The following EVA1C variants were observed in gnomAD, a reference collection of about 807,000 sequenced individuals.
EVA1C encodes the protein eva-1 homolog C.
EVA1C carries 25 observed loss-of-function variants against 45.4 expected under a neutral mutation model. The observed-to-expected ratio is 0.55, with a 90% CI of 0.40 to 0.77. The LOEUF (loss-of-function observed/expected upper bound fraction) is 0.77, where lower values mean the gene tolerates loss of function less well. Ranked by LOEUF, EVA1C falls within the 30% of genes least tolerant of loss-of-function variation. EVA1C has a pLI of 0.00. For missense variants in EVA1C, 479 were observed against 554.8 expected, an observed-to-expected ratio of 0.86 and a Z score of 1.37; for synonymous variants, 190 against 221.2, an observed-to-expected ratio of 0.86 and a Z score of 1.25.
intron 1 of EVA1C, among the ~76,000 whole-genome samples, chr21:32,415,783 G>A (rs111694009): frequency 1.8e-4 from 28 of 152,278 alleles, no homozygotes; most frequent in African/African-American, 6.5e-4. Flanking sequence ...CCACTGGAAG[G>A]CTATCATCAC....
chr21:32,424,938 C>G (rs2034430640), intron 1 of EVA1C, among the ~76,000 whole-genome samples: 1 of 152,098 alleles, frequency 6.6e-6, no homozygotes, highest in Admixed American at 6.5e-5. Context: ...CTCACTGCAG[C>G]CTCAACCTCC....
chr21:32,503,879 A>T, intron 6 of EVA1C, 47 bp from the exon 7 acceptor site: 1 of 1,366,294 alleles, frequency 7.3e-7, no homozygotes, highest in Non-Finnish European at 1.0e-6. Context: ...GAATAGGCGT[A>T]CTATGAACAG....
intron 1 of EVA1C, among the ~76,000 whole-genome samples, chr21:32,420,518 T>G (rs555389831): frequency 6.6e-6 from 1 of 152,312 alleles, no homozygotes; most frequent in Admixed American, 6.5e-5. Flanking sequence ...CCCTAGTAGT[T>G]GGGACTATAG....
chr21:32,513,401 C>T (rs1272467156), intron 7 of EVA1C, among the ~76,000 whole-genome samples: 2 of 148,782 alleles, frequency 1.3e-5, no homozygotes, highest in South Asian at 2.1e-4. Context: ...AGGATGGTCT[C>T]GATCTCCTGA....
In EVA1C at chr21:32,462,927, G is replaced by A. The variant is rs117549873; in HGVS notation, c.482-4769G>A. Among the ~76,000 whole-genome samples the A allele has an allele frequency of 6.3e-3, 965 of 152,162 alleles. 18 individuals are homozygous for A. The highest frequency in any genetic ancestry group is 0.036 in the Admixed American group (544 of 15,288). On this transcript the variant is annotated intron_variant, in intron 3 of 7. Coordinates refer to ENST00000300255, the MANE Select transcript of EVA1C (RefSeq NM_058187.5). ...GATTTATGTGGGTAAATCTCTGTTC[G>A]AGGCTCTCAGCTCTGGAGGCTGTGA...
intron 7 of EVA1C, among the ~76,000 whole-genome samples, chr21:32,507,836 T>C (rs1280625410): frequency 1.3e-5 from 2 of 151,398 alleles, no homozygotes; most frequent in African/African-American, 4.9e-5. Context: ...TGCATGTGTG[T>C]GCATGTGTCT....
At position 32,412,805 on chromosome 21, in the gene EVA1C, C is replaced by G; in HGVS notation, c.-49C>G. On this transcript the variant is annotated 5_prime_UTR_variant, in exon 1 of 8. Coordinates refer to ENST00000300255, the MANE Select transcript of EVA1C (RefSeq NM_058187.5). Reference sequence around the variant, plus strand: ...TGTGACGCCGTCCTTAGCCCTGCGACCCCCAGCGCGTCCCGGGCCTGCGCC... The same window carrying G: ...TGTGACGCCGTCCTTAGCCCTGCGAGCCCCAGCGCGTCCCGGGCCTGCGCC... The G allele has an allele frequency of 1.5e-6, 2 of 1,339,464 alleles. No homozygotes were observed. The highest frequency in any genetic ancestry group is 3.1e-5 in the African/African-American group (2 of 64,830). The allele number at this position is 1,339,464 out of a possible 1,614,324, so 83.0% of individuals were successfully genotyped here.
chr21:32,500,132 T>G (rs2037479117), intron 5 of EVA1C, among the ~76,000 whole-genome samples: 1 of 151,278 alleles, frequency 6.6e-6, no homozygotes, highest in South Asian at 2.1e-4. Flanking sequence ...TTTGAGTTGG[T>G]CACAGTCATT....
chr21:32,426,542 A>C (rs1296764212), intron 1 of EVA1C, among the ~76,000 whole-genome samples: 1 of 151,358 alleles, frequency 6.6e-6, no homozygotes, highest in African/African-American at 2.4e-5. Flanking sequence ...GCCTCCATGC[A>C]CTCACATACA....
intron 3 of EVA1C, among the ~76,000 whole-genome samples, chr21:32,458,957 G>A (rs1235562365): frequency 6.6e-6 from 1 of 152,002 alleles, no homozygotes; most frequent in African/African-American, 2.4e-5. Flanking sequence ...ACACATGTGG[G>A]GAGAAACCCC....
intron 4 of EVA1C, among the ~76,000 whole-genome samples, chr21:32,491,231 C>A (rs1166589787): frequency 6.6e-6 from 1 of 152,106 alleles, no homozygotes; most frequent in Non-Finnish European, 1.5e-5. Context: ...GCAGTGAGAC[C>A]TGCAGGCTGC....
chr21:32,513,321 C>T (rs1461373722), intron 7 of EVA1C, among the ~76,000 whole-genome samples: 8 of 148,092 alleles, frequency 5.4e-5, no homozygotes, highest in African/African-American at 1.5e-4. Context: ...CGACTACAGG[C>T]GCCCGCCACC....
At chr21:32,420,882 C>G (rs928971335) in intron 1 of EVA1C, among the ~76,000 whole-genome samples, 2 of 152,106 alleles carry the variant, frequency 1.3e-5, no homozygotes, top group African/African-American at 4.8e-5. Context: ...TTTCTAATAC[C>G]AAGGGAATAA....
At chr21:32,502,045 TTTCTTTCTTCTTTCTTTC>T (rs2037571596) in intron 6 of EVA1C, among the ~76,000 whole-genome samples, 1 of 134,060 alleles carries the variant, frequency 7.5e-6, no homozygotes, top group African/African-American at 3.0e-5. Context: ...TCTTTCTTTC[TTTCTTTCTTCTTTCTTTC>T]TTTCTTCTGT....
chr21:32,473,017 G>A (rs1482394537), intron 4 of EVA1C, among the ~76,000 whole-genome samples: 1 of 152,234 alleles, frequency 6.6e-6, no homozygotes. Context: ...GAAGCTCAAA[G>A]ACAAAAATCA....
chr21:32,428,127 C>A (rs1377203719), intron 1 of EVA1C, among the ~76,000 whole-genome samples: 2 of 152,144 alleles, frequency 1.3e-5, no homozygotes, highest in Non-Finnish European at 2.9e-5. Context: ...AACTTCTGGG[C>A]TCAGAAATTT....
At chr21:32,511,391 GC>G (rs1476752733) in intron 7 of EVA1C, among the ~76,000 whole-genome samples, 1 of 119,506 alleles carries the variant, frequency 8.4e-6, no homozygotes, top group Non-Finnish European at 1.6e-5. Flanking sequence ...TTACACTCCA[GC>G]CTGGGCAACT....
At chr21:32,507,939 GTA>G (rs773782652) in intron 7 of EVA1C, among the ~76,000 whole-genome samples, 459 of 107,846 alleles carry the variant, frequency 4.3e-3, no homozygotes, top group African/African-American at 0.022. Flanking sequence ...ATGTGTATCT[GTA>G]TGTGTGTTTG....
At chr21:32,466,016 C>G (rs568401153) in intron 3 of EVA1C, among the ~76,000 whole-genome samples, 12 of 152,340 alleles carry the variant, frequency 7.9e-5, no homozygotes, top group African/African-American at 2.9e-4. Flanking sequence ...CAGGCACCCA[C>G]TCATCTACAT....
Sources: gnomAD v4.1 joint callset for allele counts (sites outside exome capture counted in the v4.1 genomes callset) on GRCh38, gnomAD v4.1.1 for gene constraint, MANE v1.5 for transcripts, NCBI Gene and HGNC (gene_info 2026-07-23, HGNC 2026-07-21) for gene names.